The following FBXO4 variants were observed in gnomAD, a reference collection of about 807,000 sequenced individuals.
FBXO4 encodes F-box protein 4.
Under a neutral mutation model 43.7 loss-of-function variants are expected in FBXO4, and 36 were observed. The observed-to-expected ratio is 0.82, with a 90% confidence interval of 0.63 to 1.09. The LOEUF is 1.09. FBXO4 is among the 50% of genes least tolerant of loss of function. The pLI is 0.00. For missense variants in FBXO4, 435 were observed against 474.1 expected, an observed-to-expected ratio of 0.92 and a Z score of 0.77; for synonymous variants, 180 against 165.6, an observed-to-expected ratio of 1.09 and a Z score of -0.67.
In FBXO4 at chr5:41,934,270, A is replaced by G. The variant is rs1751788754; in HGVS notation, c.860A>G (p.Asp287Gly). 6.2e-7 allele frequency: 1 copy of G among 1,614,072 alleles called. No homozygotes were observed. The highest frequency in any genetic ancestry group is 1.7e-5 in the Admixed American group (1 of 60,006). The stretch of plus-strand genomic sequence containing the variant: ...ATTCAAAAAGTGTGTGAAGTTGTAG[A>G]TGGGTTCATCTATGTTGCAAATGCT... ...PQIQKVCEVV[D>G]GFIYVANAEA... Residue 287 changes from aspartate (D) to glycine (G), a missense_variant, in exon 5 of 7, where the codon GAT becomes GGT. Coordinates refer to ENST00000281623, the MANE Select transcript of FBXO4 (RefSeq NM_012176.3).
chr5:42,022,615 G>T, the FBXO4 span, among the ~76,000 whole-genome samples: 1 of 152,022 alleles, frequency 6.6e-6, no homozygotes. Flanking sequence ...ACCTCCTAAA[G>T]GTGTCTCTGA....
the FBXO4 span, among the ~76,000 whole-genome samples, chr5:42,012,658 C>T: frequency 9.9e-5 from 15 of 152,206 alleles, no homozygotes; most frequent in East Asian, 2.3e-3. Flanking sequence ...GAGCTGTCTT[C>T]GGTGGCTGGG....
the FBXO4 span, among the ~76,000 whole-genome samples, chr5:41,971,820 T>C: frequency 6.6e-6 from 1 of 152,110 alleles, no homozygotes; most frequent in Non-Finnish European, 1.5e-5. Flanking sequence ...TCAATAATTG[T>C]GATTAGGTTC....
chr5:42,039,744 G>T, the FBXO4 span, among the ~76,000 whole-genome samples: 2 of 152,162 alleles, frequency 1.3e-5, no homozygotes, highest in African/African-American at 2.4e-5. Flanking sequence ...AAGGTGAAAA[G>T]AATTTTTCAG....
intron 5 of FBXO4, among the ~76,000 whole-genome samples, chr5:41,937,589 C>A (rs889488624): frequency 6.6e-6 from 1 of 152,146 alleles, no homozygotes; most frequent in Non-Finnish European, 1.5e-5. Flanking sequence ...CCTCTGGCTT[C>A]ACCTAAATCC....
chr5:42,037,982 C>A, the FBXO4 span, among the ~76,000 whole-genome samples: 2 of 152,140 alleles, frequency 1.3e-5, no homozygotes, highest in African/African-American at 4.8e-5. Context: ...GCACAGCAGG[C>A]AAACAAAGCA....
intron 5 of FBXO4, among the ~76,000 whole-genome samples, chr5:41,938,282 T>C (rs1353654314): frequency 1.3e-5 from 2 of 152,198 alleles, no homozygotes; most frequent in Non-Finnish European, 2.9e-5. Context: ...TGAAATGGCA[T>C]AATATTTAAA....
chr5:41,931,082 CT>C (rs1751674630), intron 3 of FBXO4, among the ~76,000 whole-genome samples: 4 of 152,278 alleles, frequency 2.6e-5, no homozygotes, highest in African/African-American at 9.6e-5. Context: ...CATTTGGGAG[CT>C]GCTGGAGGAT....
At chr5:41,937,692 T>C (rs1479182810) in intron 5 of FBXO4, among the ~76,000 whole-genome samples, 1 of 152,208 alleles carries the variant, frequency 6.6e-6, no homozygotes, top group Non-Finnish European at 1.5e-5. Context: ...TTTTGGACAC[T>C]AGGGAGTCCA....
At chr5:41,960,922 A>G in the FBXO4 span, among the ~76,000 whole-genome samples, 1 of 151,942 alleles carries the variant, frequency 6.6e-6, no homozygotes, top group Non-Finnish European at 1.5e-5. Flanking sequence ...ATATATCTTC[A>G]TTGGGGTAGT....
the FBXO4 span, among the ~76,000 whole-genome samples, chr5:41,996,902 T>C: frequency 6.6e-6 from 1 of 152,354 alleles, no homozygotes; most frequent in South Asian, 2.1e-4. Context: ...ATAAGTCCAG[T>C]GTGTTTGCTA....
At chr5:42,034,092 A>G in the FBXO4 span, among the ~76,000 whole-genome samples, 3 of 151,752 alleles carry the variant, frequency 2.0e-5, no homozygotes, top group East Asian at 5.8e-4. Flanking sequence ...TGTGGTTTTG[A>G]TTTGCATTTC....
chr5:42,007,833 T>C, the FBXO4 span, among the ~76,000 whole-genome samples: 5 of 152,212 alleles, frequency 3.3e-5, no homozygotes, highest in African/African-American at 4.8e-5. Flanking sequence ...ATCCCAATTA[T>C]TTCTAGAATT....
chr5:42,015,623 A>G, the FBXO4 span, among the ~76,000 whole-genome samples: 1 of 152,170 alleles, frequency 6.6e-6, no homozygotes, highest in Non-Finnish European at 1.5e-5. Flanking sequence ...TACCACAGTC[A>G]GAGGCTGAGA....
the FBXO4 span, among the ~76,000 whole-genome samples, chr5:42,004,420 G>A: frequency 6.6e-6 from 1 of 152,076 alleles, no homozygotes; most frequent in Non-Finnish European, 1.5e-5. Flanking sequence ...GGGTATATTC[G>A]AGAGGTAAAA....
At chr5:42,034,591 G>A in the FBXO4 span, among the ~76,000 whole-genome samples, 1 of 152,114 alleles carries the variant, frequency 6.6e-6, no homozygotes, top group African/African-American at 2.4e-5. Context: ...TGGCTAGATT[G>A]TTTTCCCAGC....
chr5:41,965,680 AG>A, the FBXO4 span, among the ~76,000 whole-genome samples: 1 of 152,332 alleles, frequency 6.6e-6, no homozygotes, highest in African/African-American at 2.4e-5. Flanking sequence ...GATACTGGAG[AG>A]GATGTGGAGA....
At chr5:41,956,613 T>G in the FBXO4 span, among the ~76,000 whole-genome samples, 1 of 152,102 alleles carries the variant, frequency 6.6e-6, no homozygotes, top group Non-Finnish European at 1.5e-5. Flanking sequence ...CCCCAGCAAT[T>G]TAAAGATGAT....
the FBXO4 span, among the ~76,000 whole-genome samples, chr5:42,028,390 C>T: frequency 6.6e-6 from 1 of 151,696 alleles, no homozygotes; most frequent in Non-Finnish European, 1.5e-5. Context: ...TTTTCCATCC[C>T]TTTATTTTCA....
Sources: gnomAD v4.1 joint callset for allele counts (sites outside exome capture counted in the v4.1 genomes callset) on GRCh38, gnomAD v4.1.1 for gene constraint, MANE v1.5 for transcripts, NCBI Gene and HGNC (gene_info 2026-07-23, HGNC 2026-07-21) for gene names.